The following NCAN variants were observed in gnomAD, a reference collection of about 807,000 sequenced individuals.
NCAN encodes the protein neurocan, also known as neurocan core protein.
A neutral mutation model predicts 121.8 loss-of-function variants in NCAN; 47 were observed. The ratio of observed to expected loss-of-function variants is 0.39; its 90% CI spans 0.31 to 0.49. The LOEUF is 0.49. Ranked by LOEUF, NCAN falls within the 20% of genes least tolerant of loss-of-function variation. The probability of loss-of-function intolerance (pLI) is 0.92; values close to 1 mark genes in which losing one functional copy is unlikely to be tolerated. For synonymous variants in NCAN, 633 were observed against 702.0 expected (o/e 0.90, Z 1.55); for missense variants, 1,517 against 1,773.4 (o/e 0.86, Z 2.60).
At position 19,228,033 on chromosome 19, in the gene NCAN, T is replaced by C; in HGVS notation, c.2413T>C (p.Phe805Leu). 1 of 1,613,542 alleles carries C rather than the reference T, an allele frequency of 6.2e-7. No homozygotes were observed. Among genetic ancestry groups the C allele is most frequent in the Non-Finnish European group, 8.5e-7 (1 of 1,180,030 alleles). ...PSAPLGSPGV[F>L]LVPKVTPNLE... The stretch of plus-strand genomic sequence containing the variant: ...TGCCCCCCTGGGGAGCCCTGGAGTC[T>C]TCTTGGTACCCAAAGTCACCCCAAA... The change falls in exon 8 of 15, where the codon TTC becomes CTC. Residue 805 changes from phenylalanine (F) to leucine (L), a missense_variant. Phe to Leu is a conservative substitution (Grantham distance 22). Transcript: ENST00000252575.
At position 19,248,757 on chromosome 19, in the gene NCAN, C is replaced by G. The variant is rs1436344379; in HGVS notation, c.3695C>G (p.Ala1232Gly). Reference sequence around the variant, plus strand: ...GCCTCACTCATCGGTGCCCGCAAGGCCAAGTACAATGTCCATGCCACTGTA... The same window carrying G: ...GCCTCACTCATCGGTGCCCGCAAGGGCAAGTACAATGTCCATGCCACTGTA... ...ENASLIGARK[A>G]KYNVHATVRY... The change falls in exon 14 of 15, where the codon GCC becomes GGC. Residue 1232 changes from alanine to glycine, a missense_variant. Transcript: ENST00000252575. 1.2e-6 allele frequency: 2 copies of G among 1,614,206 alleles called. No individual in the cohort carries two copies. The highest frequency in any genetic ancestry group is 1.7e-6 in the Non-Finnish European group (2 of 1,180,030).
intron 8 of NCAN, chr19:19,233,015 C>T (rs2060866494): frequency 6.6e-6 from 1 of 151,828 alleles, no homozygotes; most frequent in Admixed American, 6.6e-5. Context: ...TCACTGCAAC[C>T]TCCGCCTTCG....
At chr19:19,247,554 T>G (rs2060929044) in intron 13 of NCAN, among the ~76,000 whole-genome samples, 1 of 151,980 alleles carries the variant, frequency 6.6e-6, no homozygotes, top group Non-Finnish European at 1.5e-5. Flanking sequence ...CACCCGGCCC[T>G]TATTTTAAAA....
rs1432642114 is a variant in NCAN, at chr19:19,227,893, C to G, written c.2273C>G (p.Ser758Cys). 3.7e-6 allele frequency: 6 copies of G among 1,613,690 alleles called. No homozygotes were observed. The highest frequency in any genetic ancestry group is 5.1e-6 in the Non-Finnish European group (6 of 1,180,014). The part of the protein sequence containing the change: ...TGLRGIPGSE[S>C]GVFDTAESPT... Reference sequence around the variant, plus strand: ...CTCAGGGGTATCCCGGGGTCTGAGTCTGGGGTCTTCGACACAGCAGAAAGC... The same window carrying G: ...CTCAGGGGTATCCCGGGGTCTGAGTGTGGGGTCTTCGACACAGCAGAAAGC... The change falls in exon 8 of 15, where the codon TCT (serine) becomes TGT (cysteine). Residue 758 changes from serine (S) to cysteine (C), a missense_variant. Ser to Cys is a moderately radical substitution (Grantham distance 112). Transcript: ENST00000252575. The surrounding 1 kb of genome is among the most constrained non-coding windows in gnomAD (Gnocchi z 4.2).
chr19:19,236,159 C>T (rs913905658), intron 10 of NCAN, among the ~76,000 whole-genome samples: 34 of 152,174 alleles, frequency 2.2e-4, no homozygotes, highest in African/African-American at 8.0e-4. Context: ...ACTCTGTGCC[C>T]ACTAGGTGGT....
Position 19,249,893 on chromosome 19 carries a change from C to T in NCAN, c.3948C>T (p.Asp1316=), listed in dbSNP as rs750961179. ...ACCCAACGGAGGACTGGGAGAAGGACGAAGGGAATTTCTGCTGAAGAACCA... is the reference window on the plus strand; with the variant it reads ...ACCCAACGGAGGACTGGGAGAAGGATGAAGGGAATTTCTGCTGAAGAACCA... ...KKHPTEDWEK[D]EGNFC The change falls in exon 15 of 15, where the codon GAC becomes GAT. Residue 1316 remains aspartate (D), a synonymous_variant. Transcript: ENST00000252575. The T allele has an allele frequency of 8.8e-5, 142 of 1,613,708 alleles. No individual in the cohort carries two copies. Among genetic ancestry groups the T allele is most frequent in the Middle Eastern group, 1.6e-4 (1 of 6,084 alleles).
intron 5 of NCAN, 87 bp downstream of exon 5, chr19:19,224,520 A>AT (rs2060828172): frequency 6.6e-7 from 1 of 1,520,020 alleles, no homozygotes; most frequent in African/African-American, 1.4e-5. Flanking sequence ...CGGGGTCCTT[A>AT]TGCAACTCCC....
Position 19,251,816 on chromosome 19 carries a change from A to G in NCAN, c.*1905A>G, listed in dbSNP as rs571254175. ...TACAGGTTTGTCTTCTTACTTTGATAACTCTTCTTAGTTTAAAATAATAAT... is the reference window on the plus strand; with the variant it reads ...TACAGGTTTGTCTTCTTACTTTGATGACTCTTCTTAGTTTAAAATAATAAT... On this transcript the variant is annotated 3_prime_UTR_variant, in exon 15 of 15. Transcript: ENST00000252575. 9.2e-5 allele frequency: 14 copies of G among 152,048 alleles called. No individual in the cohort carries two copies. The highest frequency in any genetic ancestry group is 3.4e-4 in the African/African-American group (14 of 41,432). The allele number at this position is 152,048 out of a possible 1,614,324, so 9.4% of individuals were successfully genotyped here.
rs1306061693 is a variant in NCAN at position 19,227,520 on chromosome 19, G to T, written c.1900G>T (p.Ala634Ser). Residue 634 changes from alanine (A) to serine (S), a missense_variant, in exon 8 of 15, where the codon GCC becomes TCC. Ala to Ser is a moderately conservative substitution (Grantham distance 99, BLOSUM62 1). Transcript: ENST00000252575. The surrounding 1 kb of genome is among the most constrained non-coding windows in gnomAD (Gnocchi z 4.2). ...CACCTCCCCAGATCTCCCTATGATGGCCATGCTGCGTGGTCCCAAAGAGTG... is the reference window on the plus strand; with the variant it reads ...CACCTCCCCAGATCTCCCTATGATGTCCATGCTGCGTGGTCCCAAAGAGTG... ...VATSPDLPMM[A>S]MLRGPKEWML... is the part of the protein sequence containing the mutation. 1 of 1,613,698 alleles carries T rather than the reference G, an allele frequency of 6.2e-7. No individual in the cohort carries two copies. Among genetic ancestry groups the T allele is most frequent in the Non-Finnish European group, 8.5e-7 (1 of 1,179,994 alleles).
At chr19:19,239,612 T>G (rs528376515) in intron 11 of NCAN, among the ~76,000 whole-genome samples, 29 of 55,718 alleles carry the variant, frequency 5.2e-4, no homozygotes, top group Non-Finnish European at 8.9e-4. Flanking sequence ...CTCCTCTTCC[T>G]CTCTCCTCTC....
chr19:19,217,131 T>C lies in NCAN; in HGVS notation c.73+105T>C, dbSNP rs544804003. The C allele has an allele frequency of 1.7e-5, 13 of 785,544 alleles. No homozygotes were observed. In the Admixed American group the frequency reaches 2.3e-4, roughly 14 times the overall value. 48.7% of individuals were successfully genotyped at this position (785,544 alleles called of 1,614,324 possible). ...CTCCTGCTGGTCTCCTGGCATGGGC[T>C]AGAGAATAAAATGAGAATAGATTTT... On this transcript the variant is annotated intron_variant, in intron 2 of 14. Transcript: ENST00000252575.
At chr19:19,240,904 G>A (rs2060901072) in intron 12 of NCAN, among the ~76,000 whole-genome samples, 1 of 152,166 alleles carries the variant, frequency 6.6e-6, no homozygotes, top group African/African-American at 2.4e-5. Flanking sequence ...AAGCTGCAGA[G>A]GTTACAAACC....
chr19:19,246,023 A>G (rs950372151), intron 13 of NCAN, among the ~76,000 whole-genome samples: 1 of 151,446 alleles, frequency 6.6e-6, no homozygotes, highest in African/African-American at 2.4e-5. Flanking sequence ...TTTTTAATTT[A>G]TTCTTATTTT....
At chr19:19,217,393 C>G (rs2060799768) in intron 2 of NCAN, among the ~76,000 whole-genome samples, 1 of 152,162 alleles carries the variant, frequency 6.6e-6, no homozygotes, top group Non-Finnish European at 1.5e-5. Flanking sequence ...TTTTAGAAAT[C>G]CCTCACAGAT....
Position 19,250,116 on chromosome 19 carries a change from G to A in NCAN, c.*205G>A, listed in dbSNP as rs1232042277. 1.4e-6 allele frequency: 1 copy of A among 713,646 alleles called. No individual in the cohort carries two copies. Among genetic ancestry groups the A allele is most frequent in the African/African-American group, 1.7e-5 (1 of 57,534 alleles). 44.2% of individuals were successfully genotyped at this position (713,646 alleles called of 1,614,324 possible). On this transcript the variant is annotated 3_prime_UTR_variant, in exon 15 of 15. Transcript: ENST00000252575. ...ATCCTCTTGGCAGGTGGAGCCAGGT[G>A]TCTGAAAAGTTCATTCTCGTCTGGC... is the stretch of plus-strand genomic sequence containing the variant.
In NCAN at chr19:19,227,539, A is replaced by G. The variant is rs1315069871; in HGVS notation, c.1919A>G (p.Lys640Arg). 1.2e-6 allele frequency: 2 copies of G among 1,613,724 alleles called. No homozygotes were observed. Among genetic ancestry groups the G allele is most frequent in the Admixed American group, 1.7e-5 (1 of 59,996 alleles). ...ATGATGGCCATGCTGCGTGGTCCCA[A>G]AGAGTGGATGCTACCACACCCCACC... ...LPMMAMLRGP[K>R]EWMLPHPTPI... Residue 640 changes from lysine (K) to arginine (R), a missense_variant, in exon 8 of 15, where the codon AAA becomes AGA. Transcript: ENST00000252575. The surrounding 1 kb of genome is among the most constrained non-coding windows in gnomAD (Gnocchi z 4.2).
chr19:19,239,373 T>C (rs2060893703), intron 11 of NCAN, among the ~76,000 whole-genome samples: 1 of 131,042 alleles, frequency 7.6e-6, no homozygotes, highest in Non-Finnish European at 1.6e-5. Context: ...TTCCTTTCCC[T>C]CCTACCTCCC....
At chr19:19,228,826 G>A (rs1349492162) in intron 8 of NCAN, among the ~76,000 whole-genome samples, 187 bp downstream of exon 8, 4 of 152,212 alleles carry the variant, frequency 2.6e-5, no homozygotes, top group Non-Finnish European at 4.4e-5. Context: ...ATTCCTGGCA[G>A]AGGAACGAGC....
rs756245904 is a variant in NCAN at position 19,228,609 on chromosome 19, G to A, written c.2989G>A (p.Gly997Arg). The stretch of plus-strand genomic sequence containing the variant: ...AAGTGGAGAGGAGCCAGCCCTGCCA[G>A]GGACCCCTATGAATGCAGGTGCGGA... ...VASGEEPALP[G>R]TPMNAGAEEV... Residue 997 changes from glycine to arginine, a missense_variant, in exon 8 of 15, where the codon GGG becomes AGG. Transcript: ENST00000252575. 11 of 1,612,232 alleles carry A rather than the reference G, an allele frequency of 6.8e-6. No individual in the cohort carries two copies. Among genetic ancestry groups the A allele is most frequent in the South Asian group, 2.2e-5 (2 of 91,052 alleles).
Sources: allele counts gnomAD v4.1 joint callset (sites outside exome capture counted in the v4.1 genomes callset), GRCh38; gene constraint gnomAD v4.1.1; non-coding constraint Gnocchi (gnomAD v3.1); transcripts MANE v1.5; gene names NCBI Gene and HGNC (gene_info 2026-07-23, HGNC 2026-07-21).